CPLANE1: variants seen among roughly 807,000 people sequenced by gnomAD.
CPLANE1 encodes ciliogenesis and planar polarity effector 1.
A neutral mutation model predicts 362.5 loss-of-function variants in CPLANE1; 263 were observed. The ratio of observed to expected loss-of-function variants is 0.73; its 90% CI spans 0.66 to 0.80. The LOEUF (loss-of-function observed/expected upper bound fraction) is 0.80. Ranked by LOEUF, CPLANE1 falls within the 30% of genes least tolerant of loss-of-function variation. The pLI is 0.00. For missense variants in CPLANE1, 3,461 were observed against 3,793.4 expected, an observed-to-expected ratio of 0.91 and a Z score of 2.30; for synonymous variants, 1,212 against 1,302.6, an observed-to-expected ratio of 0.93 and a Z score of 1.50.
At chr5:37,198,675 A>G (rs1788262707) in intron 20 of CPLANE1, 27 bp downstream of exon 20, 3 of 1,597,402 alleles carry the variant, frequency 1.9e-6, no homozygotes, top group Non-Finnish European at 2.6e-6. Flanking sequence ...TTAACACAGC[A>G]TGTAAATGAC....
Position 37,139,383 on chromosome 5 carries a change from T to C in CPLANE1, c.8633-13A>G. 9.0e-7 allele frequency: 1 copy of C among 1,115,574 alleles called. No homozygotes were observed. Among genetic ancestry groups the C allele is most frequent in the Middle Eastern group, 2.1e-4 (1 of 4,678 alleles). 69.1% of individuals were successfully genotyped at this position (1,115,574 alleles called of 1,614,324 possible). ...CTGCTATTCATACCTAAAAAAAAAATCATTATTAATAAAAATTTTGGGTTT... is the reference window on the plus strand; with the variant it reads ...CTGCTATTCATACCTAAAAAAAAAACCATTATTAATAAAAATTTTGGGTTT... On this transcript the variant is annotated splice_polypyrimidine_tract_variant and intron_variant, in intron 44 of 52. Coordinates refer to ENST00000651892, the MANE Select transcript of CPLANE1 (RefSeq NM_001384732.1).
downstream of CPLANE1, among the ~76,000 whole-genome samples, chr5:37,105,308 G>GACAAAA (rs1235799086): frequency 3.4e-4 from 51 of 151,322 alleles, no homozygotes; most frequent in Non-Finnish European, 1.9e-4. Context: ...TCAAAACAAA[G>GACAAAA]ACAAAAACAA....
chr5:37,190,051 G>A (rs1264893756), intron 21 of CPLANE1, among the ~76,000 whole-genome samples: 2 of 151,900 alleles, frequency 1.3e-5, no homozygotes, highest in Admixed American at 6.6e-5. Flanking sequence ...TAAGAGTAAA[G>A]GTAGTTCATT....
intron 23 of CPLANE1, 42 bp from the exon 24 acceptor site, chr5:37,186,436 TC>T (rs1291855304): frequency 5.9e-6 from 5 of 843,262 alleles, no homozygotes; most frequent in East Asian, 2.4e-5. Flanking sequence ...GAAACATCAT[TC>T]TTTTTTTTTC....
chr5:37,160,159 C>T (rs934230595), intron 38 of CPLANE1, among the ~76,000 whole-genome samples: 2 of 152,046 alleles, frequency 1.3e-5, no homozygotes, highest in Non-Finnish European at 2.9e-5. Context: ...AGATGAATAG[C>T]AGACTCAGGA....
chr5:37,229,097 G>A (rs1797097615), intron 9 of CPLANE1, among the ~76,000 whole-genome samples: 1 of 151,356 alleles, frequency 6.6e-6, no homozygotes, highest in Non-Finnish European at 1.5e-5. Flanking sequence ...GCGCGCGCCT[G>A]CAATTCCAGC....
intron 15 of CPLANE1, among the ~76,000 whole-genome samples, chr5:37,219,400 T>C (rs1794867665): frequency 6.6e-6 from 1 of 151,282 alleles, no homozygotes; most frequent in Non-Finnish European, 1.5e-5. Flanking sequence ...TGGTGGCGCA[T>C]GCCTGTAATC....
the CPLANE1 span, among the ~76,000 whole-genome samples, chr5:37,097,912 AAAC>A: frequency 7.2e-5 from 11 of 152,244 alleles, no homozygotes; most frequent in Non-Finnish European, 1.3e-4. Flanking sequence ...ATAAGACAGC[AAAC>A]AACAACAGTA....
Position 37,107,369 on chromosome 5 carries a change from T to C in CPLANE1, c.*233A>G, listed in dbSNP as rs1757827331. On this transcript the variant is annotated 3_prime_UTR_variant, in exon 53 of 53. Coordinates refer to ENST00000651892, the MANE Select transcript of CPLANE1 (RefSeq NM_001384732.1). ...TTTAAAAATTATGCCTAATGATGCATCAAATACAAAAACATATAATACATC... is the reference window on the plus strand; with the variant it reads ...TTTAAAAATTATGCCTAATGATGCACCAAATACAAAAACATATAATACATC... 1 of 1,228,896 alleles carries C rather than the reference T, an allele frequency of 8.1e-7. No homozygotes were observed. The highest frequency in any genetic ancestry group is 1.0e-6 in the Non-Finnish European group (1 of 984,146). The allele number at this position is 1,228,896 out of a possible 1,614,324, so 76.1% of individuals were successfully genotyped here. A position where few individuals can be genotyped will look rare whatever the true frequency, so the allele number is the denominator to read the frequency against.
chr5:37,190,620 A>G (rs1220430562), intron 21 of CPLANE1, among the ~76,000 whole-genome samples: 1 of 152,198 alleles, frequency 6.6e-6, no homozygotes, highest in Non-Finnish European at 1.5e-5. Flanking sequence ...AAAAAACTAT[A>G]GAAAAGACAT....
intron 46 of CPLANE1, among the ~76,000 whole-genome samples, chr5:37,137,442 T>C (rs560585683): frequency 1.1e-4 from 16 of 152,362 alleles, no homozygotes; most frequent in African/African-American, 3.8e-4. Flanking sequence ...TTCCAACCTC[T>C]GCCTGTTACC....
intron 9 of CPLANE1, among the ~76,000 whole-genome samples, 181 bp downstream of exon 9, chr5:37,230,686 C>T (rs1797546609): frequency 6.6e-6 from 1 of 151,824 alleles, no homozygotes. Context: ...AAATTTTCAC[C>T]AGGATTAAGC....
chr5:37,093,880 T>C, the CPLANE1 span, among the ~76,000 whole-genome samples: 3 of 152,210 alleles, frequency 2.0e-5, no homozygotes, highest in Non-Finnish European at 4.4e-5. Context: ...GAAGGCAGCC[T>C]AATCCTCTTT....
the CPLANE1 span, among the ~76,000 whole-genome samples, chr5:37,086,656 GA>G: frequency 2.0e-5 from 3 of 152,178 alleles, no homozygotes; most frequent in African/African-American, 4.8e-5. Context: ...CGACCAGGTT[GA>G]TTACCCTCTA....
intron 51 of CPLANE1, among the ~76,000 whole-genome samples, chr5:37,108,944 T>C (rs1758347575): frequency 6.6e-6 from 1 of 152,236 alleles, no homozygotes; most frequent in African/African-American, 2.4e-5. Flanking sequence ...ACCCTCTTTC[T>C]TCTTACTGCA....
Position 37,209,722 on chromosome 5 carries a change from C to T in CPLANE1, c.2921-3297G>A. The T allele has an allele frequency of 5.7e-6, 7 of 1,228,254 alleles. No individual in the cohort carries two copies. The allele number at this position is 1,228,254 out of a possible 1,614,324, so 76.1% of individuals were successfully genotyped here. Reference sequence around the variant, plus strand: ...TTACAACTCATTAAAATCAACCCTACTTCCAGTCTGTACAAATCACTGGTT... The same window carrying T: ...TTACAACTCATTAAAATCAACCCTATTTCCAGTCTGTACAAATCACTGGTT... On this transcript the variant is annotated intron_variant, in intron 16 of 52. Coordinates refer to ENST00000651892, the MANE Select transcript of CPLANE1 (RefSeq NM_001384732.1). This position sits in a 1 kb window ranked among gnomAD's most constrained non-coding sequence, Gnocchi z 4.6.
At chr5:37,101,635 C>T (rs927988584), downstream of CPLANE1, among the ~76,000 whole-genome samples, 8 of 152,072 alleles carry the variant, frequency 5.3e-5, no homozygotes, top group Non-Finnish European at 8.8e-5. Flanking sequence ...AGGGAGGAGT[C>T]GCTCCTTTTC....
the CPLANE1 span, among the ~76,000 whole-genome samples, chr5:37,083,104 C>T: frequency 6.7e-6 from 1 of 148,988 alleles, no homozygotes; most frequent in African/African-American, 2.4e-5. Flanking sequence ...CATCACAGGA[C>T]TCTGTGCAGA....
intron 20 of CPLANE1, among the ~76,000 whole-genome samples, chr5:37,198,407 G>A (rs545246929): frequency 6.6e-6 from 1 of 151,734 alleles, no homozygotes; most frequent in Admixed American, 6.6e-5. Flanking sequence ...CCTGGACTGA[G>A]TTTCAATCTT....
Sources: allele counts gnomAD v4.1 joint callset (sites outside exome capture counted in the v4.1 genomes callset), GRCh38; gene constraint gnomAD v4.1.1; non-coding constraint Gnocchi (gnomAD v3.1); transcripts MANE v1.5; gene names NCBI Gene and HGNC (gene_info 2026-07-23, HGNC 2026-07-21).